Variants in TRPM2 observed in about 807,000 individuals in gnomAD.
TRPM2 encodes the protein estrogen-responsive element-associated gene 1 protein.
Under a neutral mutation model 174.0 loss-of-function variants are expected in TRPM2, and 161 were observed. The observed-to-expected ratio is 0.93, with a 90% CI of 0.81 to 1.05. The LOEUF is 1.05. TRPM2 is among the 50% of genes least tolerant of loss of function. The pLI is 0.00. For synonymous variants in TRPM2, 954 were observed against 861.3 expected, an observed-to-expected ratio of 1.11 and a Z score of -1.88; for missense variants, 2,057 against 2,038.0, an observed-to-expected ratio of 1.01 and a Z score of -0.18.
intron 4 of TRPM2, among the ~76,000 whole-genome samples, chr21:44,368,432 G>C (rs1602142048): frequency 7.2e-6 from 1 of 139,416 alleles, no homozygotes; most frequent in Admixed American, 7.2e-5. Context: ...TTATTTTTTT[G>C]TTTTTTTTTT....
chr21:44,366,807 C>T lies in TRPM2; in HGVS notation c.477C>T (p.Thr159=). The T allele has an allele frequency of 6.2e-7, 1 of 1,613,942 alleles. No homozygotes were observed. Among genetic ancestry groups the T allele is most frequent in the Non-Finnish European group, 8.5e-7 (1 of 1,179,982 alleles). ...CCAGCGTGATCTACCACCTCATGAC[C>T]CAGCACTGGGGGCTGGACGTCCCCA... is the stretch of plus-strand genomic sequence containing the variant. ...TPSSVIYHLM[T]QHWGLDVPNL... Residue 159 remains threonine, a synonymous_variant, in exon 4 of 32, where the codon ACC becomes ACT. Coordinates refer to ENST00000397928, the MANE Select transcript of TRPM2 (RefSeq NM_003307.4). The surrounding 1 kb of genome is among the most constrained non-coding windows in gnomAD (Gnocchi z 6.0).
intron 9 of TRPM2, among the ~76,000 whole-genome samples, chr21:44,385,061 G>A (rs976378960): frequency 6.6e-6 from 1 of 152,152 alleles, no homozygotes; most frequent in African/African-American, 2.4e-5. Flanking sequence ...ACAAAATTCA[G>A]TAGCATTAAC....
chr21:44,427,898 TG>T (rs2050864882), intron 27 of TRPM2, among the ~76,000 whole-genome samples: 1 of 151,844 alleles, frequency 6.6e-6, no homozygotes, highest in Admixed American at 6.6e-5. Flanking sequence ...GCTCTGGTGT[TG>T]GGGGTATGTG....
At chr21:44,375,517 G>A (rs1489192191) in intron 5 of TRPM2, among the ~76,000 whole-genome samples, 1 of 152,136 alleles carries the variant, frequency 6.6e-6, no homozygotes, top group Non-Finnish European at 1.5e-5. Flanking sequence ...CTCCACTCCT[G>A]GGGGGTCCGG....
At chr21:44,406,975 T>A (rs940723271) in intron 19 of TRPM2, among the ~76,000 whole-genome samples, 4 of 149,478 alleles carry the variant, frequency 2.7e-5, no homozygotes, top group African/African-American at 9.9e-5. Context: ...GAGGGGGGCC[T>A]GGTGGGGGTG....
chr21:44,434,084 C>G (rs558712343), intron 27 of TRPM2, among the ~76,000 whole-genome samples: 2 of 152,010 alleles, frequency 1.3e-5, no homozygotes, highest in African/African-American at 4.8e-5. Flanking sequence ...CACGCACTGC[C>G]GCGCAGACTC....
In TRPM2 at chr21:44,395,534, G is replaced by A. The variant is rs755374473; in HGVS notation, c.1915G>A (p.Gly639Arg). 6.2e-7 allele frequency: 1 copy of A among 1,613,040 alleles called. No homozygotes were observed. Among genetic ancestry groups the A allele is most frequent in the Admixed American group, 1.7e-5 (1 of 60,012 alleles). The change falls in exon 12 of 32, where the codon GGA becomes AGA. Residue 639 changes from glycine to arginine, a missense_variant. By Grantham distance (125) the Gly-to-Arg change is moderately radical. Transcript: ENST00000397928. Reference sequence around the variant, plus strand: ...TGTCCAGAACCGTCGGGAGCTGGCAGGAATCATCTGGGCTCAGGTAATAAG... The same window carrying A: ...TGTCCAGAACCGTCGGGAGCTGGCAAGAATCATCTGGGCTCAGGTAATAAG... ...AIVQNRRELA[G>R]IIWAQSQDCI...
rs1351871084 is a variant in TRPM2, at chr21:44,353,797, C to A, written c.97C>A (p.Leu33Ile). The A allele has an allele frequency of 6.2e-7, 1 of 1,602,870 alleles. No individual in the cohort carries two copies. The highest frequency in any genetic ancestry group is 8.5e-7 in the Non-Finnish European group (1 of 1,175,352). The change falls in exon 1 of 32, where the codon CTC (leucine) becomes ATC (isoleucine). Residue 33 changes from leucine (L) to isoleucine (I), a missense_variant. Physicochemically the swap from Leu to Ile is conservative, Grantham distance 5. Coordinates refer to ENST00000397928, the MANE Select transcript of TRPM2 (RefSeq NM_003307.4). ...RVTDLGMVSN[L>I]RRSNSSLFKS... ...CACTGACCTGGGGATGGTCTCCAAT[C>A]TCCGGCGCAGCAACAGCAGCCTCTT...
At chr21:44,409,150 G>A (rs567058831) in intron 19 of TRPM2, among the ~76,000 whole-genome samples, 34 of 152,098 alleles carry the variant, frequency 2.2e-4, no homozygotes, top group Non-Finnish European at 4.3e-4. Flanking sequence ...TTGAAATTTT[G>A]ATGATGTTCA....
At chr21:44,403,359 C>T (rs925392597) in intron 16 of TRPM2, among the ~76,000 whole-genome samples, 8 of 152,184 alleles carry the variant, frequency 5.3e-5, no homozygotes, top group African/African-American at 1.4e-4. Flanking sequence ...CCTGCCAGGT[C>T]CTGCACTCTT....
chr21:44,392,839 G>T (rs993325557), intron 11 of TRPM2, among the ~76,000 whole-genome samples: 8 of 152,084 alleles, frequency 5.3e-5, no homozygotes, highest in Non-Finnish European at 1.0e-4. Context: ...GGTTTTTTCC[G>T]ACAGTCAGGT....
chr21:44,409,890 T>A (rs185091874), intron 19 of TRPM2, among the ~76,000 whole-genome samples: 1 of 147,596 alleles, frequency 6.8e-6, no homozygotes, highest in African/African-American at 2.5e-5. Flanking sequence ...TAGTAAGTTT[T>A]GACCGCACTG....
intron 11 of TRPM2, among the ~76,000 whole-genome samples, chr21:44,392,925 C>T (rs983688015): frequency 2.6e-5 from 4 of 152,152 alleles, no homozygotes; most frequent in African/African-American, 9.7e-5. Flanking sequence ...CTGTAGTCTG[C>T]ACCCTGTGAT....
chr21:44,435,127 C>T lies in TRPM2; in HGVS notation c.3975-4C>T, dbSNP rs750221106. The T allele has an allele frequency of 1.9e-6, 3 of 1,611,654 alleles. No homozygotes were observed. Among genetic ancestry groups the T allele is most frequent in the Non-Finnish European group, 2.5e-6 (3 of 1,178,210 alleles). On this transcript the variant is annotated splice_region_variant and splice_polypyrimidine_tract_variant and intron_variant, in intron 27 of 31. Coordinates refer to ENST00000397928, the MANE Select transcript of TRPM2 (RefSeq NM_003307.4). ...TGGACTGACTCAACCCCTCTGCATC[C>T]CAGGAACCCCATGGGCCGCACAGGA... is the stretch of plus-strand genomic sequence containing the variant.
intron 5 of TRPM2, among the ~76,000 whole-genome samples, chr21:44,371,265 G>A (rs893936363): frequency 1.0e-4 from 15 of 148,358 alleles, no homozygotes; most frequent in African/African-American, 3.3e-4. Context: ...TCCGTGTCCC[G>A]TGGCCGCCTC....
At chr21:44,392,435 T>TA (rs1313201752) in intron 11 of TRPM2, among the ~76,000 whole-genome samples, 8 of 151,886 alleles carry the variant, frequency 5.3e-5, no homozygotes, top group African/African-American at 1.4e-4. Flanking sequence ...TTTTTTTTTT[T>TA]TATAATATTT....
intron 15 of TRPM2, 88 bp from the exon 16 acceptor site, chr21:44,401,593 A>G: frequency 7.3e-7 from 1 of 1,370,716 alleles, no homozygotes; most frequent in East Asian, 2.3e-5. Context: ...TCTGAGGGGC[A>G]CGGGGGATCA....
At chr21:44,358,125 G>A (rs573213381) in intron 2 of TRPM2, among the ~76,000 whole-genome samples, 3 of 152,098 alleles carry the variant, frequency 2.0e-5, no homozygotes, top group South Asian at 2.1e-4. Flanking sequence ...CTCGACACCC[G>A]CCCGGGTAAT....
chr21:44,398,490 C>T (rs1176906566), intron 13 of TRPM2, among the ~76,000 whole-genome samples: 2 of 152,236 alleles, frequency 1.3e-5, no homozygotes, highest in Non-Finnish European at 1.5e-5. Flanking sequence ...CGTGAACCAC[C>T]ACGCCTGGTG....
Sources: gnomAD v4.1 joint callset for allele counts (sites outside exome capture counted in the v4.1 genomes callset) on GRCh38, gnomAD v4.1.1 for gene constraint, Gnocchi (gnomAD v3.1) non-coding constraint, MANE v1.5 for transcripts, NCBI Gene and HGNC (gene_info 2026-07-23, HGNC 2026-07-21) for gene names.